PISD: variants seen among roughly 807,000 people sequenced by gnomAD.
PISD encodes the protein phosphatidylserine decarboxylase proenzyme, mitochondrial.
A neutral mutation model predicts 43.5 loss-of-function variants in PISD; 31 were observed. The observed-to-expected ratio is 0.71, with a 90% CI of 0.54 to 0.96. PISD has a LOEUF of 0.96. Ranked by LOEUF, PISD falls within the 40% of genes least tolerant of loss-of-function variation. PISD has a pLI of 0.00. For missense variants in PISD, 523 were observed against 548.4 expected, an observed-to-expected ratio of 0.95 and a Z score of 0.46; for synonymous variants, 259 against 228.7, an observed-to-expected ratio of 1.13 and a Z score of -1.20.
chr22:31,644,005 G>A lies in PISD; in HGVS notation c.321+4096C>T, dbSNP rs577864310. Among the ~76,000 whole-genome samples, 11 of 151,462 alleles carry A rather than the reference G, an allele frequency of 7.3e-5. No homozygotes were observed. In the East Asian group the frequency reaches 2.0e-3, roughly 27 times the overall value. ...AGAGGTTGCAGTGAGCCGAGATTGC[G>A]CCACTGCACTCCAGCCTGGGTGACA... On this transcript the variant is annotated intron_variant, in intron 3 of 7. Coordinates refer to ENST00000439502, the MANE Select transcript of PISD (RefSeq NM_001326411.2).
Position 31,621,366 on chromosome 22 carries a change from C to G in PISD, c.665G>C (p.Arg222Pro). Residue 222 changes from arginine to proline, a missense_variant, in exon 5 of 8, where the codon CGT becomes CCT. By Grantham distance (103) the Arg-to-Pro change is moderately radical (BLOSUM62 -2). Transcript: ENST00000439502. Reference sequence around the variant, plus strand: ...GAAGGGCAGGTCCTCTGTGCACATACGCGGGCCCAGGAACGACTCCAGGGA... The same window carrying G: ...GAAGGGCAGGTCCTCTGTGCACATAGGCGGGCCCAGGAACGACTCCAGGGA... ...TYSLESFLGP[R>P]MCTEDLPFPP... is the part of the protein sequence containing the mutation. 2 of 1,614,066 alleles carry G rather than the reference C, an allele frequency of 1.2e-6. No homozygotes were observed. The highest frequency in any genetic ancestry group is 1.7e-6 in the Non-Finnish European group (2 of 1,180,020).
chr22:31,633,775 G>A (rs937069952), intron 3 of PISD, among the ~76,000 whole-genome samples: 1 of 152,112 alleles, frequency 6.6e-6, no homozygotes, highest in African/African-American at 2.4e-5. Context: ...CAAGTTGGCC[G>A]AGATTAGCAC....
chr22:31,624,848 C>T (rs568043684), intron 3 of PISD, among the ~76,000 whole-genome samples: 1 of 152,264 alleles, frequency 6.6e-6, no homozygotes, highest in South Asian at 2.1e-4. Context: ...TCAGCAGGGG[C>T]TCAGCTTCAC....
rs1167666114 is a variant in PISD at position 31,630,382 on chromosome 22, G to C, written c.322-8497C>G. The C allele has an allele frequency of 6.7e-6, 1 of 149,162 alleles. No individual in the cohort carries two copies. The highest frequency in any genetic ancestry group is 1.5e-5 in the Non-Finnish European group (1 of 66,668). 9.2% of individuals were successfully genotyped at this position (149,162 alleles called of 1,614,324 possible). ...CGGCCTGCCCCCAGGCCCTCCGGCA[G>C]CACCAAGGAGACGGAGCTCTCAGCC... On this transcript the variant is annotated intron_variant, in intron 3 of 7. Transcript: ENST00000439502. This position sits in a 1 kb window ranked among gnomAD's most constrained non-coding sequence, Gnocchi z 4.4.
At chr22:31,634,809 TG>T (rs2073359415) in intron 3 of PISD, among the ~76,000 whole-genome samples, 1 of 114,094 alleles carries the variant, frequency 8.8e-6, no homozygotes, top group African/African-American at 3.5e-5. Context: ...GCATTCAGCC[TG>T]GGTGACAGAG....
At chr22:31,650,347 G>A (rs949148473) in intron 2 of PISD, among the ~76,000 whole-genome samples, 2 of 151,880 alleles carry the variant, frequency 1.3e-5, no homozygotes, top group African/African-American at 4.8e-5. Context: ...TATGCACACA[G>A]TCTTTGAAAT....
rs558132785 is a variant in PISD at position 31,630,224 on chromosome 22, G to A, written c.322-8339C>T. ...AAGAGGGCAGGCAGGACTCGCAGGG[G>A]TCTATCCTAGCCGCCCAAAGACAGG... On this transcript the variant is annotated intron_variant, in intron 3 of 7. Transcript: ENST00000439502. The surrounding 1 kb of genome is among the most constrained non-coding windows in gnomAD (Gnocchi z 4.4). Among the ~76,000 whole-genome samples the A allele has an allele frequency of 2.6e-5, 4 of 152,210 alleles. No individual in the cohort carries two copies. Among genetic ancestry groups the A allele is most frequent in the Admixed American group, 6.5e-5 (1 of 15,300 alleles).
chr22:31,636,455 C>T (rs992041178), intron 3 of PISD, among the ~76,000 whole-genome samples: 7 of 152,180 alleles, frequency 4.6e-5, no homozygotes, highest in Admixed American at 2.6e-4. Flanking sequence ...AACCACCTTC[C>T]GGGTTCAAGC....
chr22:31,625,867 T>C (rs1308230595), intron 3 of PISD: 2 of 1,559,134 alleles, frequency 1.3e-6, no homozygotes, highest in Admixed American at 1.9e-5. Flanking sequence ...TCCCTTTGTT[T>C]TCCTCTTTCC....
intron 3 of PISD, among the ~76,000 whole-genome samples, chr22:31,646,865 C>T (rs1010718258): frequency 1.3e-5 from 2 of 151,866 alleles, no homozygotes; most frequent in African/African-American, 4.8e-5. Context: ...GATATAGTAC[C>T]GGAAAACTTT....
chr22:31,621,974 AG>A lies in PISD; in HGVS notation c.322-90del, dbSNP rs1157373007. ...GTGTCATTAGCCCAGCTCTCACTTC[AG>A]GGGAGAATCTGCACCCCACGGAGGA... On this transcript the variant is annotated intron_variant, in intron 3 of 7. Transcript: ENST00000439502. 5.9e-6 allele frequency: 6 copies of A among 1,012,802 alleles called. No individual in the cohort carries two copies. The Admixed American group carries it at 1.1e-4, about 18-fold the overall frequency. 62.7% of individuals were successfully genotyped at this position (1,012,802 alleles called of 1,614,324 possible). A position where few individuals can be genotyped will look rare whatever the true frequency, so the allele number is the denominator to read the frequency against.
intron 1 of PISD, among the ~76,000 whole-genome samples, chr22:31,655,087 A>AAC (rs1194620943): frequency 1.5e-4 from 23 of 150,992 alleles, no homozygotes; most frequent in African/African-American, 5.3e-4. Flanking sequence ...AAAAAAAAAA[A>AAC]AAAAAAAAAA....
rs1385344783 is a variant in PISD, at chr22:31,639,966, C to T, written c.321+8135G>A. ...CGGCTCTTCTACTTCTCAGCAGTCC[C>T]TGAGCTCCTGCCTTCAAGAGTGCCC... On this transcript the variant is annotated intron_variant, in intron 3 of 7. Coordinates refer to ENST00000439502, the MANE Select transcript of PISD (RefSeq NM_001326411.2). Among the ~76,000 whole-genome samples the T allele has an allele frequency of 1.9e-4, 29 of 152,188 alleles. 1 individual carries two copies. The highest frequency in any genetic ancestry group is 6.6e-5 in the Admixed American group (1 of 15,262).
intron 3 of PISD, chr22:31,629,228 G>A: frequency 1.0e-6 from 1 of 985,330 alleles, no homozygotes; most frequent in Non-Finnish European, 1.2e-6. Context: ...CAAGATTGTT[G>A]TGCGTGAGGG....
intron 3 of PISD, among the ~76,000 whole-genome samples, chr22:31,639,712 G>A (rs2073632669): frequency 6.6e-6 from 1 of 152,144 alleles, no homozygotes; most frequent in South Asian, 2.1e-4. Flanking sequence ...CACAAAGGCA[G>A]GACATATGAC....
intron 3 of PISD, among the ~76,000 whole-genome samples, chr22:31,636,688 C>T (rs1184985096): frequency 2.0e-5 from 3 of 152,232 alleles, no homozygotes; most frequent in East Asian, 1.9e-4. Flanking sequence ...TACAGGCGCC[C>T]GCCACCACGC....
chr22:31,629,887 G>A (rs73881398), intron 3 of PISD: 2,218 of 152,254 alleles, frequency 0.015, 50 homozygotes, highest in African/African-American at 0.05. Flanking sequence ...GGAAGCGCCT[G>A]GAACGCCAGG....
intron 1 of PISD, among the ~76,000 whole-genome samples, chr22:31,655,329 T>TTTTTTTTC (rs1556430103): frequency 6.7e-6 from 1 of 150,328 alleles, no homozygotes; most frequent in African/African-American, 2.5e-5. Flanking sequence ...TTTTTTTTTT[T>TTTTTTTTC]CCCAGAGATG....
chr22:31,632,596 C>A (rs1403255865), intron 3 of PISD, among the ~76,000 whole-genome samples: 1 of 152,154 alleles, frequency 6.6e-6, no homozygotes, highest in African/African-American at 2.4e-5. Flanking sequence ...ATTAGGCTCA[C>A]TGGTGTGTCT....
Sources: allele counts gnomAD v4.1 joint callset (sites outside exome capture counted in the v4.1 genomes callset), GRCh38; gene constraint gnomAD v4.1.1; non-coding constraint Gnocchi (gnomAD v3.1); transcripts MANE v1.5; gene names NCBI Gene and HGNC (gene_info 2026-07-23, HGNC 2026-07-21).